Variants in RASGRF1 observed in about 807,000 individuals in gnomAD.
RASGRF1 encodes the protein ras-specific guanine nucleotide-releasing factor 1.
A neutral mutation model predicts 138.7 loss-of-function variants in RASGRF1; 40 were observed. The ratio of observed to expected loss-of-function variants is 0.29; its 90% CI spans 0.22 to 0.38. RASGRF1 has a LOEUF of 0.38. RASGRF1 is among the 10% of genes least tolerant of loss of function. The pLI is 1.00. For synonymous variants in RASGRF1, 614 were observed against 663.2 expected, an observed-to-expected ratio of 0.93 and a Z score of 1.14; for missense variants, 1,108 against 1,650.4, an observed-to-expected ratio of 0.67 and a Z score of 5.69.
intron 13 of RASGRF1, among the ~76,000 whole-genome samples, chr15:79,014,294 A>G (rs2056844424): frequency 1.3e-5 from 2 of 152,258 alleles, no homozygotes; most frequent in African/African-American, 2.4e-5. Flanking sequence ...ATCCTTGCTC[A>G]TGCATGTTTA....
chr15:79,040,301 T>C (rs2057279988), intron 5 of RASGRF1, among the ~76,000 whole-genome samples: 1 of 152,168 alleles, frequency 6.6e-6, no homozygotes, highest in African/African-American at 2.4e-5. Context: ...GTCTGTTGCA[T>C]CTGCCACCCC....
At chr15:79,004,396 G>A (rs960915493) in intron 14 of RASGRF1, among the ~76,000 whole-genome samples, 9 of 152,184 alleles carry the variant, frequency 5.9e-5, no homozygotes, top group African/African-American at 1.9e-4. Context: ...GAGGATCTGG[G>A]GCTTCTATGC....
intron 22 of RASGRF1, among the ~76,000 whole-genome samples, chr15:78,988,138 T>G (rs1230185765): frequency 1.3e-5 from 2 of 152,186 alleles, no homozygotes; most frequent in Non-Finnish European, 2.9e-5. Context: ...GCGTTCAAAA[T>G]TGTACTCTGC....
At chr15:79,041,325 G>A (rs1448910022) in intron 5 of RASGRF1, among the ~76,000 whole-genome samples, 1 of 152,244 alleles carries the variant, frequency 6.6e-6, no homozygotes, top group Non-Finnish European at 1.5e-5. Context: ...CCTGTGCAAT[G>A]CGAATGGTGC....
chr15:78,973,621 G>A lies in RASGRF1; in HGVS notation c.3495-201C>T, dbSNP rs561610709. On this transcript the variant is annotated intron_variant, in intron 24 of 26. Transcript: ENST00000558480. This position sits in a 1 kb window ranked among gnomAD's most constrained non-coding sequence, Gnocchi z 4.9. ...GTCTCAGGGCCAGTCCTCTGGGGTGGTGGGGGCAACATGGTGCTGACTGGG... is the reference window on the plus strand; with the variant it reads ...GTCTCAGGGCCAGTCCTCTGGGGTGATGGGGGCAACATGGTGCTGACTGGG... Among the ~76,000 whole-genome samples, 1 of 152,130 alleles carries A rather than the reference G, an allele frequency of 6.6e-6. No individual in the cohort carries two copies. Among genetic ancestry groups the A allele is most frequent in the Non-Finnish European group, 1.5e-5 (1 of 68,022 alleles).
At chr15:79,058,277 C>G (rs1443952986) in intron 3 of RASGRF1, 57 bp downstream of exon 3, 2 of 1,574,498 alleles carry the variant, frequency 1.3e-6, no homozygotes, top group Non-Finnish European at 1.7e-6. Flanking sequence ...CCTGCAGGAG[C>G]CCAGGGTTTG....
At chr15:79,017,655 G>A in intron 12 of RASGRF1, 115 bp downstream of exon 12, 2 of 1,305,894 alleles carry the variant, frequency 1.5e-6, no homozygotes, top group Non-Finnish European at 1.0e-6. Context: ...ATCTTTCTCT[G>A]TAGAACAGTG....
At chr15:78,990,084 A>C in intron 22 of RASGRF1, 105 bp downstream of exon 22, 1 of 952,656 alleles carries the variant, frequency 1.0e-6, no homozygotes, top group Non-Finnish European at 1.7e-6. Context: ...GAGAGGACCC[A>C]GGAGTCTGGT....
chr15:79,058,156 G>A (rs1004319294), intron 3 of RASGRF1, among the ~76,000 whole-genome samples, 178 bp downstream of exon 3: 1 of 152,192 alleles, frequency 6.6e-6, no homozygotes, highest in African/African-American at 2.4e-5. Flanking sequence ...TTTAAACCCA[G>A]TCTGACCACA....
At chr15:79,024,473 C>G (rs1260897647) in intron 10 of RASGRF1, among the ~76,000 whole-genome samples, 1 of 151,934 alleles carries the variant, frequency 6.6e-6, no homozygotes, top group East Asian at 1.9e-4. Context: ...CACATACATA[C>G]ATACTGATAT....
intron 5 of RASGRF1, among the ~76,000 whole-genome samples, chr15:79,044,274 TTCTC>T: frequency 6.6e-6 from 1 of 152,224 alleles, no homozygotes; most frequent in African/African-American, 2.4e-5. Context: ...GCACATGCTG[TTCTC>T]TCTATCTGGA....
intron 5 of RASGRF1, among the ~76,000 whole-genome samples, chr15:79,040,700 T>C (rs1476317942): frequency 2.6e-5 from 4 of 151,956 alleles, no homozygotes; most frequent in Non-Finnish European, 5.9e-5. Flanking sequence ...ATTTTTAAAA[T>C]CAAGTTTTGG....
chr15:79,074,249 C>T (rs185671414), intron 1 of RASGRF1, among the ~76,000 whole-genome samples: 3 of 152,356 alleles, frequency 2.0e-5, no homozygotes, highest in East Asian at 3.9e-4. Flanking sequence ...CGTACATGCT[C>T]ATGCTTCAAG....
rs1044396784 is a variant in RASGRF1 at position 78,979,109 on chromosome 15, C to T, written c.3494+1511G>A. 2.6e-5 allele frequency: 34 copies of T among 1,289,748 alleles called. No homozygotes were observed. In the Admixed American group the frequency reaches 5.1e-4, roughly 19 times the overall value. 79.9% of individuals were successfully genotyped at this position (1,289,748 alleles called of 1,614,324 possible). Reference sequence around the variant, plus strand: ...ACGGACGGACAAGTTGGTGAATGCACGGAGGGGGCAGCTCCCCACAAGCAC... The same window carrying T: ...ACGGACGGACAAGTTGGTGAATGCATGGAGGGGGCAGCTCCCCACAAGCAC... On this transcript the variant is annotated intron_variant, in intron 24 of 26. Coordinates refer to ENST00000558480, the MANE Select transcript of RASGRF1 (RefSeq NM_001145648.3).
chr15:79,004,326 G>T, intron 14 of RASGRF1, 151 bp from the exon 15 acceptor site: 1 of 1,104,614 alleles, frequency 9.1e-7, no homozygotes, highest in Non-Finnish European at 1.3e-6. Context: ...GATCCTCTGA[G>T]CAGGGACAAT....
intron 26 of RASGRF1, among the ~76,000 whole-genome samples, chr15:78,967,192 A>C: frequency 6.6e-6 from 1 of 152,074 alleles, no homozygotes; most frequent in Non-Finnish European, 1.5e-5. Flanking sequence ...GCAGTGAGCT[A>C]TGATTGTGTC....
At position 79,056,628 on chromosome 15, in the gene RASGRF1, T is replaced by C. The variant is rs142636667; in HGVS notation, c.531+1706A>G. On this transcript the variant is annotated intron_variant, in intron 3 of 26. Transcript: ENST00000558480. ...ATGCAGGTGACTGATCCTATCAGGA[T>C]GGTTGTGGGGAATGAAAGTATGTCG... 4.9e-3 allele frequency among the ~76,000 whole-genome samples: 739 copies of C among 152,282 alleles called. 17 individuals are homozygous for C. Among genetic ancestry groups the C allele is most frequent in the Admixed American group, 0.043 (665 of 15,306 alleles).
At chr15:79,037,868 A>C (rs1366768134) in intron 5 of RASGRF1, among the ~76,000 whole-genome samples, 7 of 152,040 alleles carry the variant, frequency 4.6e-5, no homozygotes, top group Non-Finnish European at 1.0e-4. Flanking sequence ...AGATGGTCCC[A>C]TCTGGGGGTA....
intron 26 of RASGRF1, among the ~76,000 whole-genome samples, 171 bp downstream of exon 26, chr15:78,971,695 A>G (rs12101606): frequency 0.1 from 15,593 of 152,246 alleles, 1,053 homozygotes; most frequent in East Asian, 0.3. Flanking sequence ...CACAGGCCCA[A>G]TTTGAAGAAA....
Sources: gnomAD v4.1 joint callset for allele counts (sites outside exome capture counted in the v4.1 genomes callset) on GRCh38, gnomAD v4.1.1 for gene constraint, Gnocchi (gnomAD v3.1) non-coding constraint, MANE v1.5 for transcripts, NCBI Gene and HGNC (gene_info 2026-07-23, HGNC 2026-07-21) for gene names.